CHD9: variants seen among roughly 807,000 people sequenced by gnomAD.
The protein encoded by CHD9 is ATP-dependent chromatin remodeler CHD9.
Under a neutral mutation model 316.1 loss-of-function variants are expected in CHD9, and 77 were observed. The ratio of observed to expected loss-of-function variants is 0.24; its 90% CI spans 0.20 to 0.29. The LOEUF (loss-of-function observed/expected upper bound fraction) is 0.29, where lower values mean the gene tolerates loss of function less well. Among genes scored for constraint, CHD9 ranks in the 10% least tolerant of loss-of-function variants. CHD9 has a pLI of 1.00. For synonymous variants in CHD9, 1,129 were observed against 1,158.3 expected, an observed-to-expected ratio of 0.97 and a Z score of 0.51; for missense variants, 2,763 against 3,438.1, an observed-to-expected ratio of 0.80 and a Z score of 4.91.
At chr16:53,287,632 C>G (rs2153045290) in intron 26 of CHD9, among the ~76,000 whole-genome samples, 1 of 152,258 alleles carries the variant, frequency 6.6e-6, no homozygotes, top group East Asian at 1.9e-4. Context: ...GAGGCTGAGG[C>G]AGGAGAATCT....
At position 53,314,515 on chromosome 16, in the gene CHD9, A is replaced by G. The variant is rs980229728; in HGVS notation, c.7361A>G (p.His2454Arg). Residue 2454 changes from histidine (H) to arginine (R), a missense_variant and splice_region_variant, in exon 35 of 39, where the codon CAT (histidine) becomes CGT (arginine). His to Arg is a conservative substitution (Grantham distance 29). Around this residue, in one of 15 missense-constraint regions of CHD9, gnomAD observed 663 missense variants for 751.2 expected, o/e 0.88. Coordinates refer to ENST00000447540, the MANE Select transcript of CHD9 (RefSeq NM_001308319.2). Reference sequence around the variant, plus strand: ...TTTAACAGAAATAAACCACCTAATCATGTAAGTAAAGCAGTACTTAAAAAC... The same window carrying G: ...TTTAACAGAAATAAACCACCTAATCGTGTAAGTAAAGCAGTACTTAAAAAC... ...FFFNRNKPPN[H>R]VSLGLTSSQI... 6.4e-7 allele frequency: 1 copy of G among 1,566,086 alleles called. No individual in the cohort carries two copies. Among genetic ancestry groups the G allele is most frequent in the Non-Finnish European group, 8.7e-7 (1 of 1,155,174 alleles).
At chr16:53,121,290 C>T (rs905039943) in intron 1 of CHD9, 6 of 453,602 alleles carry the variant, frequency 1.3e-5, no homozygotes, top group African/African-American at 4.0e-5. Context: ...TCTCTCCAAA[C>T]TTGATTTAGA....
rs541980652 is a variant in CHD9, at chr16:53,133,550, T to C, written c.-164-22376T>C. Among the ~76,000 whole-genome samples the C allele has an allele frequency of 9.9e-5, 15 of 152,232 alleles. No homozygotes were observed. The East Asian group carries it at 2.3e-3, about 24-fold the overall frequency. The stretch of plus-strand genomic sequence containing the variant: ...TTGTCACTTAACTGTGTAGATAATA[T>C]TAAGTTTCTTGACATCCGTGAGCCT... On this transcript the variant is annotated intron_variant, in intron 1 of 38. Coordinates refer to ENST00000447540, the MANE Select transcript of CHD9 (RefSeq NM_001308319.2).
intron 29 of CHD9, among the ~76,000 whole-genome samples, chr16:53,294,174 T>G (rs1408300628): frequency 1.3e-5 from 2 of 152,156 alleles, no homozygotes; most frequent in Admixed American, 6.5e-5. Flanking sequence ...TCCACAAGCT[T>G]TAACTTCTTA....
chr16:53,277,172 A>T (rs1227003553), intron 24 of CHD9, among the ~76,000 whole-genome samples: 1 of 152,214 alleles, frequency 6.6e-6, no homozygotes, highest in Non-Finnish European at 1.5e-5. Context: ...GAATTCTACC[A>T]GACATTCAAA....
chr16:53,305,741 A>G (rs531157488), intron 31 of CHD9, among the ~76,000 whole-genome samples: 1 of 152,288 alleles, frequency 6.6e-6, no homozygotes, highest in East Asian at 1.9e-4. Flanking sequence ...AATGAGTCCA[A>G]TTAAACATGA....
rs375812021 is a variant in CHD9 at position 53,307,776 on chromosome 16, G to A, written c.6876G>A (p.Val2292=). 36 of 1,613,060 alleles carry A rather than the reference G, an allele frequency of 2.2e-5. No individual in the cohort carries two copies. Among genetic ancestry groups the A allele is most frequent in the Non-Finnish European group, 3.1e-5 (36 of 1,179,574 alleles). The change falls in exon 33 of 39, where the codon GTG becomes GTA. Residue 2292 remains valine (V), a synonymous_variant. Transcript: ENST00000447540. ...GAAGAAGTTATGATGCTAACACAGTGGCTTCTTTCTATACCACAAAACTGC... is the reference window on the plus strand; with the variant it reads ...GAAGAAGTTATGATGCTAACACAGTAGCTTCTTTCTATACCACAAAACTGC... ...SARRSYDANT[V]ASFYTTKLLD...
intron 11 of CHD9, 128 bp downstream of exon 11, chr16:53,235,434 C>A: frequency 1.5e-6 from 1 of 649,150 alleles, no homozygotes; most frequent in Non-Finnish European, 2.4e-6. Context: ...AGTGAGGTTA[C>A]CTCAGGAACA....
intron 1 of CHD9, among the ~76,000 whole-genome samples, chr16:53,066,545 A>G (rs575415063): frequency 2.0e-5 from 3 of 152,296 alleles, no homozygotes; most frequent in East Asian, 1.9e-4. Flanking sequence ...GAGCTCCTGG[A>G]GGAGAGGTGG....
chr16:53,291,908 A>G (rs1221315851), intron 28 of CHD9, 141 bp downstream of exon 28: 2 of 477,302 alleles, frequency 4.2e-6, no homozygotes, highest in East Asian at 3.5e-5. Flanking sequence ...GTTATAGGAC[A>G]TACTAGTTGA....
At chr16:53,136,906 G>T in intron 1 of CHD9, among the ~76,000 whole-genome samples, 1 of 151,814 alleles carries the variant, frequency 6.6e-6, no homozygotes, top group Non-Finnish European at 1.5e-5. Context: ...GCCTATTTTT[G>T]AACTTTATTA....
At chr16:53,071,418 C>A (rs928636387) in intron 1 of CHD9, among the ~76,000 whole-genome samples, 1 of 152,086 alleles carries the variant, frequency 6.6e-6, no homozygotes, top group East Asian at 1.9e-4. Flanking sequence ...TAAGTCATTT[C>A]AAAAATGTGA....
At chr16:53,209,239 A>G (rs1327507573) in intron 2 of CHD9, among the ~76,000 whole-genome samples, 1 of 152,240 alleles carries the variant, frequency 6.6e-6, no homozygotes, top group African/African-American at 2.4e-5. Flanking sequence ...CAAGAATGCT[A>G]TGAAAATATC....
intron 1 of CHD9, among the ~76,000 whole-genome samples, chr16:53,072,080 A>G (rs2034111913): frequency 6.6e-6 from 1 of 152,096 alleles, no homozygotes; most frequent in Non-Finnish European, 1.5e-5. Flanking sequence ...CATAGGCGCC[A>G]GTGTCTAGAG....
intron 2 of CHD9, among the ~76,000 whole-genome samples, chr16:53,176,728 G>A (rs896028346): frequency 1.3e-5 from 2 of 152,126 alleles, no homozygotes; most frequent in African/African-American, 2.4e-5. Context: ...TTAGAGTTGG[G>A]TTACTTGAAA....
intron 2 of CHD9, among the ~76,000 whole-genome samples, chr16:53,187,494 C>T (rs1177114828): frequency 6.6e-6 from 1 of 151,934 alleles, no homozygotes; most frequent in Non-Finnish European, 1.5e-5. Context: ...AGAGCAAGAC[C>T]CTGCCTCTAA....
At chr16:53,215,329 T>C (rs1220090723) in intron 3 of CHD9, among the ~76,000 whole-genome samples, 1 of 152,242 alleles carries the variant, frequency 6.6e-6, no homozygotes, top group African/African-American at 2.4e-5. Context: ...ATCAGTAAAT[T>C]CAGCCTTTCT....
At chr16:53,143,264 G>C (rs1434674637) in intron 1 of CHD9, among the ~76,000 whole-genome samples, 1 of 152,002 alleles carries the variant, frequency 6.6e-6, no homozygotes, top group African/African-American at 2.4e-5. Flanking sequence ...GTTACAGATG[G>C]GGTTTAATAG....
At chr16:53,320,198 TAAAAAA>T (rs558919362) in intron 37 of CHD9, among the ~76,000 whole-genome samples, 1 of 126,934 alleles carries the variant, frequency 7.9e-6, no homozygotes, top group South Asian at 2.5e-4. Flanking sequence ...TGAGTCTCTT[TAAAAAA>T]AAAAAAAAAA....
Sources: allele counts gnomAD v4.1 joint callset (sites outside exome capture counted in the v4.1 genomes callset), GRCh38; gene constraint gnomAD v4.1.1; regional missense constraint gnomAD v4.1.1; transcripts MANE v1.5; gene names NCBI Gene and HGNC (gene_info 2026-07-23, HGNC 2026-07-21).